Variants in LOC128706665 observed in about 807,000 individuals in gnomAD.
the LOC128706665 span, among the ~76,000 whole-genome samples, chr20:10,424,705 C>T: frequency 6.6e-6 from 1 of 152,084 alleles, no homozygotes; most frequent in Admixed American, 6.6e-5. Context: ...TTTGGGGATA[C>T]AATTTAAATT....
chr20:10,415,907 ATTTT>A, the LOC128706665 span, among the ~76,000 whole-genome samples: 1 of 152,094 alleles, frequency 6.6e-6, no homozygotes, highest in South Asian at 2.1e-4. Flanking sequence ...CTCCCAAATC[ATTTT>A]AAAGATGCCA....
chr20:10,431,386 T>C, the LOC128706665 span, among the ~76,000 whole-genome samples: 1 of 152,144 alleles, frequency 6.6e-6, no homozygotes, highest in Non-Finnish European at 1.5e-5. Flanking sequence ...TAGTGTCTAT[T>C]AGGTGCTAGC....
At chr20:10,417,147 AG>A in the LOC128706665 span, among the ~76,000 whole-genome samples, 1 of 150,866 alleles carries the variant, frequency 6.6e-6, no homozygotes, top group Middle Eastern at 3.2e-3. Context: ...GTTACTCGGG[AG>A]GTTGAAGCAG....
the LOC128706665 span, among the ~76,000 whole-genome samples, chr20:10,421,757 CA>C: frequency 2.0e-5 from 3 of 151,558 alleles, no homozygotes; most frequent in Non-Finnish European, 4.4e-5. Context: ...CCTGGAGTTA[CA>C]AAGTTAGTTA....
At chr20:10,425,457 T>C in the LOC128706665 span, among the ~76,000 whole-genome samples, 1 of 152,244 alleles carries the variant, frequency 6.6e-6, no homozygotes, top group Non-Finnish European at 1.5e-5. Flanking sequence ...AAAAATTAAC[T>C]CATTTTTCAA....
chr20:10,414,474 A>C, the LOC128706665 span, among the ~76,000 whole-genome samples: 4 of 152,046 alleles, frequency 2.6e-5, no homozygotes, highest in African/African-American at 9.7e-5. Context: ...CATGTTTGCC[A>C]GGTTGGTCTC....
At chr20:10,427,081 A>AG in the LOC128706665 span, among the ~76,000 whole-genome samples, 1 of 85,700 alleles carries the variant, frequency 1.2e-5, no homozygotes, top group Admixed American at 1.1e-4. Flanking sequence ...CACACACACA[A>AG]AGTAAGGTTA....
At chr20:10,423,550 G>A in the LOC128706665 span, among the ~76,000 whole-genome samples, 6 of 152,188 alleles carry the variant, frequency 3.9e-5, no homozygotes, top group Admixed American at 1.3e-4. Flanking sequence ...AATGTTTGGG[G>A]AAGTGTTGTA....
the LOC128706665 span, among the ~76,000 whole-genome samples, chr20:10,428,800 C>T: frequency 8.6e-5 from 13 of 152,020 alleles, no homozygotes; most frequent in East Asian, 1.9e-4. Flanking sequence ...GTCGAGATCG[C>T]GCCATTGCAC....
chr20:10,420,025 T>G, the LOC128706665 span, among the ~76,000 whole-genome samples: 38 of 152,326 alleles, frequency 2.5e-4, no homozygotes, highest in South Asian at 1.2e-3. Flanking sequence ...TTTTGAGAAC[T>G]TTTTGAATTT....
the LOC128706665 span, among the ~76,000 whole-genome samples, chr20:10,419,975 C>G: frequency 1.3e-5 from 2 of 152,134 alleles, no homozygotes; most frequent in Non-Finnish European, 2.9e-5. Context: ...CAGTTAAGAT[C>G]AAGTTTTGCT....
the LOC128706665 span, among the ~76,000 whole-genome samples, chr20:10,419,593 C>T: frequency 6.6e-6 from 1 of 152,136 alleles, no homozygotes; most frequent in Non-Finnish European, 1.5e-5. Context: ...ACATACATAC[C>T]TATGATAAAG....
At chr20:10,415,379 T>C in the LOC128706665 span, among the ~76,000 whole-genome samples, 1 of 152,198 alleles carries the variant, frequency 6.6e-6, no homozygotes, top group Admixed American at 6.5e-5. Flanking sequence ...TGCAAAGAGG[T>C]GGGCAGAACA....
At chr20:10,419,400 T>C in the LOC128706665 span, among the ~76,000 whole-genome samples, 1 of 152,158 alleles carries the variant, frequency 6.6e-6, no homozygotes, top group Non-Finnish European at 1.5e-5. Flanking sequence ...CGCTATATTA[T>C]AGTAAATCAA....
chr20:10,418,268 A>C, the LOC128706665 span, among the ~76,000 whole-genome samples: 3 of 152,342 alleles, frequency 2.0e-5, no homozygotes, highest in South Asian at 4.1e-4. Context: ...GCTGTTAACT[A>C]TTAAAGCTGG....
the LOC128706665 span, among the ~76,000 whole-genome samples, chr20:10,430,356 G>A: frequency 6.6e-6 from 1 of 152,198 alleles, no homozygotes; most frequent in East Asian, 1.9e-4. Context: ...GTTCCATTGT[G>A]TGTACAATGT....
At chr20:10,433,566 G>A in the LOC128706665 span, among the ~76,000 whole-genome samples, 1 of 152,182 alleles carries the variant, frequency 6.6e-6, no homozygotes, top group Non-Finnish European at 1.5e-5. Context: ...TGGTCTTATC[G>A]GGGAGGAAGA....
chr20:10,432,445 A>G, the LOC128706665 span, among the ~76,000 whole-genome samples: 34 of 152,318 alleles, frequency 2.2e-4, no homozygotes, highest in Middle Eastern at 0.014. Context: ...GGGGGATTGC[A>G]TCCAGGACCC....
the LOC128706665 span, among the ~76,000 whole-genome samples, chr20:10,433,052 G>A: frequency 2.6e-5 from 4 of 152,202 alleles, no homozygotes; most frequent in Non-Finnish European, 5.9e-5. Context: ...CGCCCAACCT[G>A]GAGTGCAGTG....
Sources: gnomAD v4.1 joint callset for allele counts (sites outside exome capture counted in the v4.1 genomes callset) on GRCh38, gnomAD v4.1.1 for gene constraint, MANE v1.5 for transcripts.